Variants in PRKN observed in about 807,000 individuals in gnomAD.
PRKN encodes E3 ubiquitin-protein ligase parkin.
PRKN carries 56 observed loss-of-function variants against 59.5 expected under a neutral mutation model. The ratio of observed to expected loss-of-function variants is 0.94; its 90% CI spans 0.76 to 1.18. The LOEUF (loss-of-function observed/expected upper bound fraction) is 1.18. Ranked by LOEUF, PRKN falls within the 50% of genes most tolerant of loss-of-function variation. The pLI is 0.00. For synonymous variants in PRKN, 250 were observed against 222.1 expected, an observed-to-expected ratio of 1.13 and a Z score of -1.12; for missense variants, 657 against 596.4, an observed-to-expected ratio of 1.10 and a Z score of -1.06.
chr6:162,303,897 G>C (rs559763004), intron 2 of PRKN, among the ~76,000 whole-genome samples: 59 of 152,198 alleles, frequency 3.9e-4, no homozygotes, highest in African/African-American at 1.4e-3. Context: ...GCAATGGGAG[G>C]ATAGGAATGA....
At chr6:162,690,789 C>CT (rs1246931176) in intron 1 of PRKN, among the ~76,000 whole-genome samples, 4 of 152,050 alleles carry the variant, frequency 2.6e-5, no homozygotes, top group African/African-American at 9.7e-5. Flanking sequence ...AGATGTTCCT[C>CT]TTTTTTTCTT....
Position 161,407,128 on chromosome 6 carries a change from T to A in PRKN, c.1084-20251A>T, listed in dbSNP as rs1272097288. Among the ~76,000 whole-genome samples the A allele has an allele frequency of 6.6e-6, 1 of 152,214 alleles. No individual in the cohort carries two copies. The highest frequency in any genetic ancestry group is 1.5e-5 in the Non-Finnish European group (1 of 68,038). On this transcript the variant is annotated intron_variant, in intron 9 of 11. Transcript: ENST00000366898. This position sits in a 1 kb window ranked among gnomAD's most constrained non-coding sequence, Gnocchi z 4.9. The stretch of plus-strand genomic sequence containing the variant: ...GTATGCTATATTTGTCATTAAAATG[T>A]CTTTATATTTTTATAAATATGGTTT...
chr6:162,320,752 A>G (rs765742528), intron 2 of PRKN, among the ~76,000 whole-genome samples: 1 of 151,822 alleles, frequency 6.6e-6, no homozygotes, highest in Non-Finnish European at 1.5e-5. Flanking sequence ...ATGAAAGTTT[A>G]TTATGAAATA....
intron 6 of PRKN, among the ~76,000 whole-genome samples, chr6:161,888,979 C>A (rs1247698449): frequency 4.6e-5 from 7 of 152,074 alleles, no homozygotes; most frequent in African/African-American, 1.4e-4. Context: ...TGACTTTGGG[C>A]AGACAAAAAT....
intron 6 of PRKN, among the ~76,000 whole-genome samples, chr6:161,817,698 G>C (rs1481633036): frequency 2.0e-5 from 3 of 152,046 alleles, no homozygotes; most frequent in Admixed American, 1.3e-4. Flanking sequence ...AAATTTTATC[G>C]ACATTTTGGT....
intron 2 of PRKN, among the ~76,000 whole-genome samples, chr6:162,302,538 G>A (rs1011749079): frequency 4.6e-5 from 7 of 152,128 alleles, no homozygotes; most frequent in East Asian, 3.9e-4. Flanking sequence ...GACAGTCCCC[G>A]GGGAAGAGCC....
At chr6:162,231,215 C>A (rs1778408030) in intron 3 of PRKN, among the ~76,000 whole-genome samples, 1 of 152,170 alleles carries the variant, frequency 6.6e-6, no homozygotes, top group African/African-American at 2.4e-5. Context: ...CTCCCTAATA[C>A]AGAAGCCAAC....
At chr6:161,934,752 A>C (rs959789654) in intron 6 of PRKN, among the ~76,000 whole-genome samples, 1 of 152,074 alleles carries the variant, frequency 6.6e-6, no homozygotes, top group African/African-American at 2.4e-5. Context: ...CCCCTCACTT[A>C]TTCACGATCC....
At chr6:162,227,505 A>G (rs1348337236) in intron 3 of PRKN, among the ~76,000 whole-genome samples, 1 of 152,180 alleles carries the variant, frequency 6.6e-6, no homozygotes, top group Non-Finnish European at 1.5e-5. Context: ...TCAATGATCA[A>G]TAAATCTGAC....
chr6:162,434,720 TATTA>T (rs1421799316), intron 2 of PRKN, among the ~76,000 whole-genome samples: 3 of 152,190 alleles, frequency 2.0e-5, no homozygotes, highest in Non-Finnish European at 4.4e-5. Flanking sequence ...AATGGTAACT[TATTA>T]ATTAAAGCTA....
intron 7 of PRKN, among the ~76,000 whole-genome samples, chr6:161,750,241 C>G (rs1435003439): frequency 6.6e-6 from 1 of 151,986 alleles, no homozygotes; most frequent in Non-Finnish European, 1.5e-5. Flanking sequence ...ATTTTTACAT[C>G]TTGGCAAAAT....
rs572924614 is a variant in PRKN, at chr6:161,989,662, T to C, written c.619-16245A>G. 5.3e-5 allele frequency among the ~76,000 whole-genome samples: 8 copies of C among 152,276 alleles called. No homozygotes were observed. In the East Asian group the frequency reaches 1.5e-3, roughly 29 times the overall value. On this transcript the variant is annotated intron_variant, in intron 5 of 11. Coordinates refer to ENST00000366898, the MANE Select transcript of PRKN (RefSeq NM_004562.3). ...GACCTGAGGACAGGACTGCCCCACC[T>C]GATGCTACCACTGACAGTGCCTGCA...
At chr6:162,358,741 C>T (rs1784989640) in intron 2 of PRKN, among the ~76,000 whole-genome samples, 1 of 151,716 alleles carries the variant, frequency 6.6e-6, no homozygotes, top group African/African-American at 2.4e-5. Context: ...ATTTTTTTCT[C>T]CAAAGTAGTG....
At chr6:161,570,443 A>C (rs929053629) in intron 7 of PRKN, among the ~76,000 whole-genome samples, 5 of 148,010 alleles carry the variant, frequency 3.4e-5, no homozygotes. Context: ...GGGTCCACTT[A>C]TACACAGATT....
At chr6:161,908,801 C>T (rs1308414601) in intron 6 of PRKN, among the ~76,000 whole-genome samples, 1 of 152,130 alleles carries the variant, frequency 6.6e-6, no homozygotes, top group South Asian at 2.1e-4. Flanking sequence ...TCCCTTGTAT[C>T]AATAGACATT....
At chr6:162,202,188 C>T (rs6901583) in intron 3 of PRKN, among the ~76,000 whole-genome samples, 141,281 of 152,178 alleles carry the variant, frequency 0.93, 65,587 homozygotes, top group East Asian at 0.99. Context: ...ATCAGAGGCA[C>T]CTAGAGATAA....
At chr6:162,171,885 T>C (rs1282339343) in intron 4 of PRKN, among the ~76,000 whole-genome samples, 3 of 152,164 alleles carry the variant, frequency 2.0e-5, no homozygotes, top group African/African-American at 7.2e-5. Flanking sequence ...CTGGAACATA[T>C]AAGGTGTTCA....
rs970763838 is a variant in PRKN, at chr6:161,546,694, G to A, written c.1083+2160C>T. 6.6e-6 allele frequency among the ~76,000 whole-genome samples: 1 copy of A among 151,958 alleles called. No homozygotes were observed. The highest frequency in any genetic ancestry group is 6.6e-5 in the Admixed American group (1 of 15,244). The stretch of plus-strand genomic sequence containing the variant: ...GATGGAGCCCAACTCCCTTCCCTTT[G>A]AGAGTGAGCTGGATCTAGTATCTCA... On this transcript the variant is annotated intron_variant, in intron 9 of 11. Transcript: ENST00000366898. This position sits in a 1 kb window ranked among gnomAD's most constrained non-coding sequence, Gnocchi z 4.4.
intron 7 of PRKN, among the ~76,000 whole-genome samples, chr6:161,693,533 TAGG>T (rs1300575665): frequency 6.6e-6 from 1 of 152,162 alleles, no homozygotes; most frequent in African/African-American, 2.4e-5. Context: ...TGACCAGCAA[TAGG>T]AGTTGTGGAG....
Sources: gnomAD v4.1 joint callset for allele counts (sites outside exome capture counted in the v4.1 genomes callset) on GRCh38, gnomAD v4.1.1 for gene constraint, Gnocchi (gnomAD v3.1) non-coding constraint, MANE v1.5 for transcripts, NCBI Gene and HGNC (gene_info 2026-07-23, HGNC 2026-07-21) for gene names.